Variants in PPP2R2B observed in about 807,000 individuals in gnomAD.
PPP2R2B encodes serine/threonine-protein phosphatase 2A 55 kDa regulatory subunit B beta isoform.
A neutral mutation model predicts 46.0 loss-of-function variants in PPP2R2B; 5 were observed. The ratio of observed to expected loss-of-function variants is 0.11; its 90% CI spans 0.06 to 0.23. The LOEUF (loss-of-function observed/expected upper bound fraction) is 0.23, where lower values mean the gene tolerates loss of function less well. Ranked by LOEUF, PPP2R2B falls within the 10% of genes least tolerant of loss-of-function variation. PPP2R2B has a pLI of 1.00. For missense variants in PPP2R2B, 367 were observed against 575.0 expected, an observed-to-expected ratio of 0.64 and a Z score of 3.70; for synonymous variants, 215 against 206.7, an observed-to-expected ratio of 1.04 and a Z score of -0.34.
chr5:146,878,469 G>A lies in PPP2R2B; in HGVS notation c.-125+122C>T. The A allele has an allele frequency of 7.4e-7, 1 of 1,358,574 alleles. No individual in the cohort carries two copies. Among genetic ancestry groups the A allele is most frequent in the Non-Finnish European group, 9.5e-7 (1 of 1,053,328 alleles). 84.2% of individuals were successfully genotyped at this position (1,358,574 alleles called of 1,614,324 possible). A position where few individuals can be genotyped will look rare whatever the true frequency, so the allele number is the denominator to read the frequency against. ...GCCCAACAGGTTCCCCTCCTTGGCA[G>A]CCGCTCCAAAATGCAAAAAAGATCC... On this transcript the variant is annotated intron_variant, in intron 1 of 9. Transcript: ENST00000394411. The surrounding 1 kb of genome is among the most constrained non-coding windows in gnomAD (Gnocchi z 4.5).
At chr5:147,006,772 G>A (rs1457572590) in intron 1 of PPP2R2B, among the ~76,000 whole-genome samples, 1 of 152,112 alleles carries the variant, frequency 6.6e-6, no homozygotes, top group Non-Finnish European at 1.5e-5. Flanking sequence ...CTTCTTAGGG[G>A]AAGAGTGTTG....
intron 2 of PPP2R2B, among the ~76,000 whole-genome samples, chr5:146,759,939 T>C (rs1441636329): frequency 6.6e-6 from 1 of 152,216 alleles, no homozygotes; most frequent in Non-Finnish European, 1.5e-5. Context: ...TGTATTACAA[T>C]ATCATATTTG....
chr5:146,974,451 C>T (rs1416388784), intron 1 of PPP2R2B, among the ~76,000 whole-genome samples: 2 of 152,058 alleles, frequency 1.3e-5, no homozygotes, highest in East Asian at 1.9e-4. Flanking sequence ...AGGGCAGTCC[C>T]GTGCTGGGGT....
At chr5:146,868,119 C>T (rs1207845021) in intron 2 of PPP2R2B, among the ~76,000 whole-genome samples, 1 of 152,236 alleles carries the variant, frequency 6.6e-6, no homozygotes, top group East Asian at 1.9e-4. Flanking sequence ...TTCCACCAGC[C>T]ACCTTTGCTG....
chr5:146,821,051 C>A (rs1462815085), intron 2 of PPP2R2B, among the ~76,000 whole-genome samples: 1 of 152,142 alleles, frequency 6.6e-6, no homozygotes, highest in Non-Finnish European at 1.5e-5. Context: ...GTGGTACATT[C>A]AGCCACACCC....
At chr5:146,719,554 A>T (rs1024587413) in intron 2 of PPP2R2B, among the ~76,000 whole-genome samples, 23 of 152,148 alleles carry the variant, frequency 1.5e-4, no homozygotes, top group Non-Finnish European at 2.6e-4. Context: ...GCTTAGCATG[A>T]TGCCTTGCAC....
chr5:146,591,326 G>A (rs955033659), intron 9 of PPP2R2B, among the ~76,000 whole-genome samples: 2 of 152,276 alleles, frequency 1.3e-5, no homozygotes, highest in African/African-American at 4.8e-5. Context: ...ACCTGTACCA[G>A]GTAAATTAAG....
In PPP2R2B at chr5:146,889,032, C is replaced by G. The variant is rs566408721; in HGVS notation, c.79+166633G>C. Among the ~76,000 whole-genome samples, 6 of 152,246 alleles carry G rather than the reference C, an allele frequency of 3.9e-5. No individual in the cohort carries two copies. In the South Asian group the frequency reaches 1.0e-3, roughly 26 times the overall value. ...AACATAATTTCCAGGGAGAGAGAAACGATTTTGTTCTCTGCTTTATATGCA... is the reference window on the plus strand; with the variant it reads ...AACATAATTTCCAGGGAGAGAGAAAGGATTTTGTTCTCTGCTTTATATGCA... On this transcript the variant is annotated intron_variant, in intron 1 of 8. Transcript: ENST00000336640.
At chr5:146,994,474 C>G (rs932284517) in intron 1 of PPP2R2B, among the ~76,000 whole-genome samples, 1 of 152,072 alleles carries the variant, frequency 6.6e-6, no homozygotes, top group South Asian at 2.1e-4. Flanking sequence ...CAGAAAGGAA[C>G]AGAAGGCCCC....
chr5:146,691,282 G>A, intron 4 of PPP2R2B, 42 bp from the exon 5 acceptor site: 3 of 1,568,010 alleles, frequency 1.9e-6, no homozygotes, highest in Non-Finnish European at 2.6e-6. Context: ...ATAGTGAAAA[G>A]CAAGCTCATA....
intron 2 of PPP2R2B, among the ~76,000 whole-genome samples, chr5:146,703,378 C>T (rs1046970156): frequency 6.6e-6 from 1 of 152,158 alleles, no homozygotes; most frequent in Non-Finnish European, 1.5e-5. Context: ...CTGAGGTTTA[C>T]AATGCCTGGC....
At chr5:146,772,718 G>T (rs1039492392) in intron 2 of PPP2R2B, among the ~76,000 whole-genome samples, 4 of 152,002 alleles carry the variant, frequency 2.6e-5, no homozygotes, top group Non-Finnish European at 5.9e-5. Flanking sequence ...TTCCTCAACT[G>T]GTGTCTTCAT....
chr5:146,697,136 A>C (rs1487980335), intron 4 of PPP2R2B, among the ~76,000 whole-genome samples: 2 of 152,186 alleles, frequency 1.3e-5, no homozygotes, highest in Admixed American at 6.5e-5. Context: ...TCATAGACTC[A>C]CATATGAGAT....
chr5:146,982,980 C>G (rs1372844885), intron 1 of PPP2R2B, among the ~76,000 whole-genome samples: 1 of 151,994 alleles, frequency 6.6e-6, no homozygotes, highest in Non-Finnish European at 1.5e-5. Flanking sequence ...TCAATTAACT[C>G]TGCTAATTTC....
intron 1 of PPP2R2B, among the ~76,000 whole-genome samples, chr5:147,054,037 G>T (rs1044305037): frequency 4.6e-5 from 7 of 152,202 alleles, no homozygotes; most frequent in Middle Eastern, 3.2e-3. Context: ...GTGATAGTGG[G>T]TGAAGCAGAA....
chr5:146,922,010 A>G (rs1763623983), intron 1 of PPP2R2B, among the ~76,000 whole-genome samples: 2 of 152,216 alleles, frequency 1.3e-5, no homozygotes. Context: ...AATGAGGCTC[A>G]GAGAGGCTGA....
intron 1 of PPP2R2B, among the ~76,000 whole-genome samples, chr5:146,958,916 G>T (rs1047537857): frequency 3.9e-5 from 6 of 152,188 alleles, no homozygotes; most frequent in African/African-American, 1.2e-4. Flanking sequence ...ATGGCACAGA[G>T]AAATTAAATT....
In PPP2R2B at chr5:146,589,830, T is replaced by A; in HGVS notation, c.*117A>T. 6 of 1,094,416 alleles carry A rather than the reference T, an allele frequency of 5.5e-6. No individual in the cohort carries two copies. Among genetic ancestry groups the A allele is most frequent in the Non-Finnish European group, 7.9e-6 (6 of 758,814 alleles). The allele number at this position is 1,094,416 out of a possible 1,614,324, so 67.8% of individuals were successfully genotyped here. A position where few individuals can be genotyped will look rare whatever the true frequency, so the allele number is the denominator to read the frequency against. On this transcript the variant is annotated 3_prime_UTR_variant, in exon 10 of 10. Coordinates refer to ENST00000394411, the MANE Select transcript of PPP2R2B (RefSeq NM_181675.4). ...TGGACTCCTTTTAATTCTATTCCAA[T>A]CATTTCCTGTATAGGGAAATTAAAG...
chr5:146,841,887 A>G (rs982718716), intron 2 of PPP2R2B, among the ~76,000 whole-genome samples: 1 of 152,220 alleles, frequency 6.6e-6, no homozygotes, highest in Non-Finnish European at 1.5e-5. Flanking sequence ...CCTATGTAAC[A>G]AACCTGCACG....
Sources: allele counts gnomAD v4.1 joint callset (sites outside exome capture counted in the v4.1 genomes callset), GRCh38; gene constraint gnomAD v4.1.1; non-coding constraint Gnocchi (gnomAD v3.1); transcripts MANE v1.5; gene names NCBI Gene and HGNC (gene_info 2026-07-23, HGNC 2026-07-21).